Variants in SHB observed in about 807,000 individuals in gnomAD.
SHB encodes the protein SH2 domain-containing adapter protein B.
In SHB, 20 loss-of-function variants were observed where a neutral mutation model predicts 52.3. That is an observed-to-expected ratio of 0.38 (90% CI 0.27 to 0.56). The LOEUF (loss-of-function observed/expected upper bound fraction) is 0.56. Among genes scored for constraint, SHB ranks in the 20% least tolerant of loss-of-function variants. SHB has a pLI of 0.71. For missense variants in SHB, 825 were observed against 723.3 expected (o/e 1.14, Z -1.61); for synonymous variants, 397 against 316.5 (o/e 1.25, Z -2.70).
chr9:38,045,436 C>T (rs1821639705), intron 1 of SHB, among the ~76,000 whole-genome samples: 2 of 151,240 alleles, frequency 1.3e-5, no homozygotes, highest in Admixed American at 6.6e-5. Flanking sequence ...CCCCCCCCAC[C>T]CCCAAGTCTC....
At chr9:38,041,153 T>C (rs542215315) in intron 1 of SHB, among the ~76,000 whole-genome samples, 5 of 152,308 alleles carry the variant, frequency 3.3e-5, no homozygotes, top group Admixed American at 1.3e-4. Context: ...TTTCTCTCTT[T>C]CTACACAAAC....
At chr9:38,044,094 G>C (rs969282468) in intron 1 of SHB, among the ~76,000 whole-genome samples, 2 of 152,170 alleles carry the variant, frequency 1.3e-5, no homozygotes, top group Non-Finnish European at 2.9e-5. Flanking sequence ...ACAGGGAGGA[G>C]GCCGGTGGCC....
At chr9:37,923,058 C>G (rs1248269155) in intron 5 of SHB, among the ~76,000 whole-genome samples, 1 of 152,216 alleles carries the variant, frequency 6.6e-6, no homozygotes, top group Admixed American at 6.5e-5. Context: ...AGGCCAGGCT[C>G]TATGTCCTGA....
At chr9:38,001,798 T>C (rs1370262585) in intron 2 of SHB, among the ~76,000 whole-genome samples, 4 of 152,172 alleles carry the variant, frequency 2.6e-5, no homozygotes, top group African/African-American at 7.2e-5. Flanking sequence ...GTTAGAACAA[T>C]GACTTGAGCG....
intron 3 of SHB, among the ~76,000 whole-genome samples, chr9:37,974,310 G>A (rs1401424903): frequency 1.3e-5 from 2 of 152,126 alleles, no homozygotes; most frequent in African/African-American, 4.8e-5. Context: ...GCTTCAGTGA[G>A]CTAGGGTATT....
intron 3 of SHB, among the ~76,000 whole-genome samples, chr9:37,971,508 C>G (rs1820589899): frequency 6.6e-6 from 1 of 152,184 alleles, no homozygotes; most frequent in Non-Finnish European, 1.5e-5. Context: ...GCCCATAGGA[C>G]CCCTCCAGCT....
chr9:37,932,114 T>C (rs540701372), intron 5 of SHB, among the ~76,000 whole-genome samples: 1 of 151,654 alleles, frequency 6.6e-6, no homozygotes, highest in Admixed American at 6.6e-5. Context: ...AAACCCCGTC[T>C]CTACTAAAAA....
chr9:37,991,411 G>A (rs1053191268), intron 2 of SHB, among the ~76,000 whole-genome samples: 1 of 152,160 alleles, frequency 6.6e-6, no homozygotes, highest in Admixed American at 6.5e-5. Context: ...GCATTCAAGA[G>A]TATTTCTAAA....
At chr9:38,050,917 G>A (rs946185456) in intron 1 of SHB, among the ~76,000 whole-genome samples, 7 of 152,038 alleles carry the variant, frequency 4.6e-5, no homozygotes, top group South Asian at 4.1e-4. Context: ...AAAAAAGAAC[G>A]TGCCTTCACT....
intron 1 of SHB, among the ~76,000 whole-genome samples, chr9:38,024,828 C>T (rs1821321327): frequency 6.6e-6 from 1 of 152,196 alleles, no homozygotes; most frequent in South Asian, 2.1e-4. Context: ...GAGGGGTCTG[C>T]AGCCACTACT....
Position 37,923,692 on chromosome 9 carries a change from C to T in SHB, c.1347-3688G>A, listed in dbSNP as rs75194272. ...AGCATGAGCAAAGGAAGCATGAGCA[C>T]TTCTGTGGAGAACAGAGGGGTTCAT... On this transcript the variant is annotated intron_variant, in intron 5 of 5. Transcript: ENST00000377707. Among the ~76,000 whole-genome samples, 1,298 of 152,332 alleles carry T rather than the reference C, an allele frequency of 8.5e-3. 19 individuals are homozygous for T. Among genetic ancestry groups the T allele is most frequent in the African/African-American group, 0.03 (1,230 of 41,572 alleles).
intron 1 of SHB, among the ~76,000 whole-genome samples, chr9:38,055,165 G>A (rs903553489): frequency 9.2e-5 from 14 of 152,210 alleles, no homozygotes; most frequent in Non-Finnish European, 5.9e-5. Context: ...ATGTGAGTTA[G>A]GCAGACACCT....
chr9:37,994,194 G>A (rs1820920076), intron 2 of SHB, among the ~76,000 whole-genome samples: 1 of 152,182 alleles, frequency 6.6e-6, no homozygotes, highest in Admixed American at 6.5e-5. Flanking sequence ...CATGAGATCT[G>A]GAATGGACTC....
At position 37,927,092 on chromosome 9, in the gene SHB, C is replaced by T. The variant is rs539641077; in HGVS notation, c.1347-7088G>A. On this transcript the variant is annotated intron_variant, in intron 5 of 5. Coordinates refer to ENST00000377707, the MANE Select transcript of SHB (RefSeq NM_003028.3). Reference sequence around the variant, plus strand: ...GAGGGAGAAGCAACTTGCCCAGTCACGATGCAAGGCTATCAGGGCTTCCCA... The same window carrying T: ...GAGGGAGAAGCAACTTGCCCAGTCATGATGCAAGGCTATCAGGGCTTCCCA... 2.0e-4 allele frequency among the ~76,000 whole-genome samples: 30 copies of T among 152,348 alleles called. No individual in the cohort carries two copies. The South Asian group carries it at 6.0e-3, about 31-fold the overall frequency.
Position 37,916,448 on chromosome 9 carries a change from G to C in SHB, c.*3373C>G, listed in dbSNP as rs1196552647. On this transcript the variant is annotated 3_prime_UTR_variant, in exon 6 of 6. Transcript: ENST00000377707. Reference sequence around the variant, plus strand: ...TGAGACAGCGTCTGGGGAGCTACCGGAACTTCGTGTTCAGCATCTTACAAA... The same window carrying C: ...TGAGACAGCGTCTGGGGAGCTACCGCAACTTCGTGTTCAGCATCTTACAAA... Among the ~76,000 whole-genome samples the C allele has an allele frequency of 1.3e-5, 2 of 152,244 alleles. No homozygotes were observed. The highest frequency in any genetic ancestry group is 2.9e-5 in the Non-Finnish European group (2 of 68,046).
chr9:38,000,196 G>A (rs994327536), intron 2 of SHB, among the ~76,000 whole-genome samples: 8 of 152,218 alleles, frequency 5.3e-5, no homozygotes, highest in Admixed American at 1.3e-4. Flanking sequence ...GCTGCTGCTG[G>A]CAGACCAGGC....
chr9:37,924,874 G>A (rs1564080114), intron 5 of SHB, among the ~76,000 whole-genome samples: 1 of 152,164 alleles, frequency 6.6e-6, no homozygotes, highest in Non-Finnish European at 1.5e-5. Context: ...TATGTTTGTT[G>A]AACTCCAAAG....
intron 1 of SHB, among the ~76,000 whole-genome samples, chr9:38,035,808 C>A (rs1369504796): frequency 6.6e-6 from 1 of 152,144 alleles, no homozygotes; most frequent in Non-Finnish European, 1.5e-5. Flanking sequence ...CAGAAAAACT[C>A]CTGGGGAGCT....
In SHB at chr9:38,058,338, C is replaced by T. The variant is rs377324515; in HGVS notation, c.717+9591G>A. 4.0e-4 allele frequency among the ~76,000 whole-genome samples: 61 copies of T among 152,330 alleles called. No homozygotes were observed. The South Asian group carries it at 0.013, about 32-fold the overall frequency. ...GGGCAGAGAGTGTCCCACTCTGGAC[C>T]CCTAGGCCTCAGCTGCTGAATCTAC... On this transcript the variant is annotated intron_variant, in intron 1 of 5. Transcript: ENST00000377707.
Sources: gnomAD v4.1 joint callset for allele counts (sites outside exome capture counted in the v4.1 genomes callset) on GRCh38, gnomAD v4.1.1 for gene constraint, MANE v1.5 for transcripts, NCBI Gene and HGNC (gene_info 2026-07-23, HGNC 2026-07-21) for gene names.